SNX29: variants seen among roughly 807,000 people sequenced by gnomAD.
The protein encoded by SNX29 is sorting nexin-29.
A neutral mutation model predicts 102.1 loss-of-function variants in SNX29; 78 were observed. That is an observed-to-expected ratio of 0.76 (90% CI 0.64 to 0.92). The LOEUF (loss-of-function observed/expected upper bound fraction) is 0.92. SNX29 is among the 40% of genes least tolerant of loss of function. The probability of loss-of-function intolerance (pLI) is 0.00; values close to 1 mark genes in which losing one functional copy is unlikely to be tolerated. For synonymous variants in SNX29, 580 were observed against 414.5 expected, an observed-to-expected ratio of 1.40 and a Z score of -4.85; for missense variants, 1,280 against 1,061.7, an observed-to-expected ratio of 1.21 and a Z score of -2.86.
At chr16:12,248,252 C>T (rs748243741) in intron 14 of SNX29, among the ~76,000 whole-genome samples, 10 of 152,220 alleles carry the variant, frequency 6.6e-5, no homozygotes, top group African/African-American at 9.6e-5. Flanking sequence ...CTGGCCTCTT[C>T]CTCCTCCCTC....
intron 14 of SNX29, among the ~76,000 whole-genome samples, chr16:12,206,933 G>A (rs2077059894): frequency 1.3e-5 from 2 of 151,626 alleles, no homozygotes; most frequent in East Asian, 1.9e-4. Flanking sequence ...TTCAGGGTCA[G>A]CAAATATGCT....
intron 15 of SNX29, among the ~76,000 whole-genome samples, chr16:12,306,314 G>A (rs981267671): frequency 7.2e-5 from 11 of 151,938 alleles, no homozygotes; most frequent in Non-Finnish European, 1.5e-4. Flanking sequence ...AACTGCATAT[G>A]GTCATGAGGA....
intron 14 of SNX29, among the ~76,000 whole-genome samples, chr16:12,200,832 C>T (rs1299379191): frequency 6.6e-6 from 1 of 152,134 alleles, no homozygotes; most frequent in South Asian, 2.1e-4. Context: ...CATGCTCACC[C>T]ACGACCACCT....
intron 14 of SNX29, among the ~76,000 whole-genome samples, chr16:12,208,103 C>T (rs1387024863): frequency 6.6e-6 from 1 of 152,198 alleles, no homozygotes; most frequent in Non-Finnish European, 1.5e-5. Flanking sequence ...TTCCATACCA[C>T]TTAAGAGCGG....
At chr16:12,477,214 C>G (rs2087695704) in intron 18 of SNX29, among the ~76,000 whole-genome samples, 1 of 152,202 alleles carries the variant, frequency 6.6e-6, no homozygotes, top group South Asian at 2.1e-4. Flanking sequence ...GATCTCAGCT[C>G]TTGCCCCCTC....
intron 15 of SNX29, among the ~76,000 whole-genome samples, chr16:12,337,966 AGTGCTGCG>A (rs1168945258): frequency 6.6e-6 from 1 of 152,198 alleles, no homozygotes; most frequent in Non-Finnish European, 1.5e-5. Context: ...TCACCTTGAA[AGTGCTGCG>A]GTCTTTGGGT....
Position 12,571,413 on chromosome 16 carries a change from G to C in SNX29, c.*2784G>C. 4.3e-6 allele frequency: 1 copy of C among 232,874 alleles called. No homozygotes were observed. Among genetic ancestry groups the C allele is most frequent in the Non-Finnish European group, 8.4e-6 (1 of 118,374 alleles). The allele number at this position is 232,874 out of a possible 1,614,324, so 14.4% of individuals were successfully genotyped here. A position where few individuals can be genotyped will look rare whatever the true frequency, so the allele number is the denominator to read the frequency against. ...AAAGGATTGCTTGCACCTCACATCT[G>C]TCTTCTTCTAAGATTACTCGGAGAT... On this transcript the variant is annotated 3_prime_UTR_variant, in exon 21 of 21. Transcript: ENST00000566228.
chr16:12,264,767 CAA>C (rs113542382), intron 14 of SNX29, among the ~76,000 whole-genome samples: 5 of 113,856 alleles, frequency 4.4e-5, no homozygotes, highest in Non-Finnish European at 3.8e-5. Context: ...GACTCTGTTT[CAA>C]AAAAAAAAAA....
intron 15 of SNX29, among the ~76,000 whole-genome samples, chr16:12,281,002 G>A (rs545346555): frequency 1.1e-4 from 16 of 152,252 alleles, no homozygotes; most frequent in Non-Finnish European, 1.9e-4. Context: ...CAACCTCCCC[G>A]GCTCAACGGA....
chr16:12,394,866 C>T (rs55918425), intron 16 of SNX29, among the ~76,000 whole-genome samples: 73 of 152,122 alleles, frequency 4.8e-4, no homozygotes, highest in African/African-American at 1.7e-3. Context: ...CCTCTGCCCA[C>T]CTGCTGTGGA....
At chr16:12,562,168 G>C (rs928056650) in intron 20 of SNX29, among the ~76,000 whole-genome samples, 1 of 152,116 alleles carries the variant, frequency 6.6e-6, no homozygotes, top group African/African-American at 2.4e-5. Context: ...GAGTAAGATT[G>C]AGGTCTGACC....
chr16:12,439,652 T>G (rs1232841005), intron 18 of SNX29, among the ~76,000 whole-genome samples: 1 of 152,184 alleles, frequency 6.6e-6, no homozygotes, highest in Non-Finnish European at 1.5e-5. Flanking sequence ...TATTTCCCAC[T>G]GGGTCCCTCC....
chr16:12,391,155 A>G (rs2083515296), intron 16 of SNX29, among the ~76,000 whole-genome samples: 1 of 152,132 alleles, frequency 6.6e-6, no homozygotes, highest in Non-Finnish European at 1.5e-5. Context: ...TGTGTTGCCC[A>G]GACTGGCCTT....
intron 3 of SNX29, among the ~76,000 whole-genome samples, chr16:12,003,446 T>C (rs2056357598): frequency 6.6e-6 from 1 of 152,172 alleles, no homozygotes; most frequent in African/African-American, 2.4e-5. Flanking sequence ...AAATGATGTT[T>C]ATGTAGAATT....
chr16:12,434,002 C>G (rs1034992256), intron 18 of SNX29, among the ~76,000 whole-genome samples: 2 of 152,192 alleles, frequency 1.3e-5, no homozygotes, highest in African/African-American at 4.8e-5. Context: ...TTGAGGTCCT[C>G]ACATGGGGCA....
At chr16:12,348,546 G>A (rs1218948217) in intron 15 of SNX29, among the ~76,000 whole-genome samples, 1 of 149,194 alleles carries the variant, frequency 6.7e-6, no homozygotes, top group African/African-American at 2.6e-5. Flanking sequence ...CTGTGTGTGT[G>A]TACATGTGTG....
chr16:12,061,149 C>T (rs2050758114), intron 8 of SNX29, among the ~76,000 whole-genome samples: 1 of 152,198 alleles, frequency 6.6e-6, no homozygotes, highest in Non-Finnish European at 1.5e-5. Flanking sequence ...CCTTCCATGA[C>T]CTTCCTGGAA....
chr16:12,501,597 C>T (rs1033021579), intron 19 of SNX29, among the ~76,000 whole-genome samples: 2 of 151,832 alleles, frequency 1.3e-5, no homozygotes, highest in Non-Finnish European at 2.9e-5. Context: ...TGATGCATGC[C>T]TGTAGTCCCA....
intron 16 of SNX29, among the ~76,000 whole-genome samples, chr16:12,371,528 G>T (rs1211684579): frequency 6.6e-6 from 1 of 152,086 alleles, no homozygotes; most frequent in African/African-American, 2.4e-5. Context: ...TACTGGTCTC[G>T]AACTTCTGGG....
Sources: allele counts gnomAD v4.1 joint callset (sites outside exome capture counted in the v4.1 genomes callset), GRCh38; gene constraint gnomAD v4.1.1; transcripts MANE v1.5; gene names NCBI Gene and HGNC (gene_info 2026-07-23, HGNC 2026-07-21).